The following MMP20 variants were observed in gnomAD, a reference collection of about 807,000 sequenced individuals.
MMP20 encodes matrix metalloproteinase-20.
Under a neutral mutation model 51.8 loss-of-function variants are expected in MMP20, and 50 were observed. The observed-to-expected ratio is 0.97, with a 90% CI of 0.77 to 1.22. MMP20 has a LOEUF of 1.22. Among genes scored for constraint, MMP20 ranks in the 50% most tolerant of loss-of-function variants. The pLI is 0.00. For synonymous variants in MMP20, 244 were observed against 216.2 expected (o/e 1.13, Z -1.13); for missense variants, 663 against 601.4 (o/e 1.10, Z -1.07).
At chr11:102,596,552 C>A (rs1859382753) in intron 6 of MMP20, among the ~76,000 whole-genome samples, 1 of 152,158 alleles carries the variant, frequency 6.6e-6, no homozygotes, top group Non-Finnish European at 1.5e-5. Flanking sequence ...TTTGCTTAGG[C>A]CTTAATTACC....
chr11:102,578,073 C>T (rs1859147455), intron 9 of MMP20, among the ~76,000 whole-genome samples: 1 of 151,992 alleles, frequency 6.6e-6, no homozygotes, highest in Non-Finnish European at 1.5e-5. Flanking sequence ...TTCTATTCAA[C>T]TTTCCTAGCT....
intron 6 of MMP20, among the ~76,000 whole-genome samples, chr11:102,596,757 A>G (rs527282396): frequency 6.6e-6 from 1 of 152,338 alleles, no homozygotes; most frequent in Admixed American, 6.5e-5. Context: ...GATCTCACCT[A>G]CTTGCTCATG....
intron 8 of MMP20, among the ~76,000 whole-genome samples, chr11:102,587,719 T>G (rs1859270551): frequency 6.6e-6 from 1 of 152,174 alleles, no homozygotes; most frequent in African/African-American, 2.4e-5. Context: ...CTAGTAGCAT[T>G]TTTTATTTCA....
chr11:102,619,759 T>G (rs1859724143), intron 1 of MMP20, among the ~76,000 whole-genome samples: 1 of 152,084 alleles, frequency 6.6e-6, no homozygotes, highest in African/African-American at 2.4e-5. Context: ...GATGTATTTT[T>G]AAAGATAGGG....
chr11:102,592,739 A>G (rs1859331803), intron 8 of MMP20, among the ~76,000 whole-genome samples: 3 of 152,204 alleles, frequency 2.0e-5, no homozygotes, highest in Admixed American at 6.5e-5. Context: ...CTGGGAACAG[A>G]GGAAAGCTGT....
chr11:102,610,396 CA>C (rs1358086320), intron 3 of MMP20, among the ~76,000 whole-genome samples: 5 of 152,104 alleles, frequency 3.3e-5, no homozygotes, highest in Admixed American at 1.3e-4. Context: ...CATTCGATAG[CA>C]AAACCTACCC....
At chr11:102,611,490 C>T (rs112545605) in intron 3 of MMP20, among the ~76,000 whole-genome samples, 234 of 152,284 alleles carry the variant, frequency 1.5e-3, no homozygotes, top group Non-Finnish European at 2.9e-3. Context: ...GAATTTGTCC[C>T]CTAGTGGGGC....
intron 6 of MMP20, among the ~76,000 whole-genome samples, chr11:102,605,735 C>T (rs531279233): frequency 1.2e-4 from 18 of 152,258 alleles, no homozygotes; most frequent in Admixed American, 6.5e-4. Context: ...AATAATGCCA[C>T]ACATGAATGC....
intron 1 of MMP20, among the ~76,000 whole-genome samples, chr11:102,621,017 G>A (rs374847723): frequency 3.9e-5 from 6 of 152,178 alleles, no homozygotes; most frequent in East Asian, 3.9e-4. Flanking sequence ...ACACATCTGC[G>A]TGGCTGGCCC....
At chr11:102,616,496 G>T (rs1859672197) in intron 2 of MMP20, among the ~76,000 whole-genome samples, 1 of 152,104 alleles carries the variant, frequency 6.6e-6, no homozygotes, top group African/African-American at 2.4e-5. Context: ...TCATTAAGCA[G>T]GTTGTTTTAA....
At chr11:102,586,638 C>A (rs1008418421) in intron 8 of MMP20, among the ~76,000 whole-genome samples, 3 of 151,862 alleles carry the variant, frequency 2.0e-5, no homozygotes, top group Admixed American at 1.3e-4. Flanking sequence ...ACGGTGAAAC[C>A]CCATCTCTAC....
intron 6 of MMP20, chr11:102,605,247 T>C (rs1238222486): frequency 1.3e-5 from 2 of 152,182 alleles, no homozygotes; most frequent in African/African-American, 4.8e-5. Flanking sequence ...GAAACTTACC[T>C]TGCAGTACCT....
chr11:102,611,835 G>A lies in MMP20; in HGVS notation c.443C>T (p.Ala148Val), dbSNP rs190817531. 3.7e-6 allele frequency: 6 copies of A among 1,614,200 alleles called. No individual in the cohort carries two copies. The African/African-American group carries it at 6.7e-5, about 18-fold the overall frequency. ...VDKAVEMALQ[A>V]WSSAVPLSFV... ...GCTCAGAGGGACGGCGCTACTCCAG[G>A]CCTGCAAGGCCATCTCCACTGCTTT... is the stretch of plus-strand genomic sequence containing the variant. The change falls in exon 3 of 10, where the codon GCC becomes GTC. Residue 148 changes from alanine (A) to valine (V), a missense_variant. Physicochemically the swap from Ala to Val is moderately conservative, Grantham distance 64 (BLOSUM62 0). Transcript: ENST00000260228.
chr11:102,610,791 G>A (rs1859589290), intron 3 of MMP20, among the ~76,000 whole-genome samples: 1 of 151,012 alleles, frequency 6.6e-6, no homozygotes, highest in Non-Finnish European at 1.5e-5. Flanking sequence ...ACAGAACAAA[G>A]TTTTGGTATG....
intron 9 of MMP20, among the ~76,000 whole-genome samples, chr11:102,578,146 A>ATTTTT (rs35835372): frequency 4.1e-5 from 6 of 146,682 alleles, no homozygotes; most frequent in Non-Finnish European, 1.5e-5. Flanking sequence ...CTTGAGACAG[A>ATTTTT]TTTTTTTTTT....
chr11:102,623,455 C>T (rs954420857), intron 1 of MMP20, among the ~76,000 whole-genome samples: 6 of 152,198 alleles, frequency 3.9e-5, no homozygotes, highest in African/African-American at 1.2e-4. Context: ...GTTGCATGCT[C>T]TTTTGAGAAT....
At chr11:102,578,729 C>T (rs547986663) in intron 9 of MMP20, among the ~76,000 whole-genome samples, 5 of 145,250 alleles carry the variant, frequency 3.4e-5, no homozygotes, top group Admixed American at 7.0e-5. Flanking sequence ...AGCGAGACTC[C>T]GTCTCAAAAA....
intron 5 of MMP20, among the ~76,000 whole-genome samples, chr11:102,608,329 T>C (rs1711422): frequency 0.41 from 62,052 of 152,106 alleles, 13,098 homozygotes; most frequent in South Asian, 0.59. Flanking sequence ...GGATACAGAG[T>C]TTCTAATAAT....
At chr11:102,587,128 A>G (rs988190448) in intron 8 of MMP20, among the ~76,000 whole-genome samples, 1 of 152,136 alleles carries the variant, frequency 6.6e-6, no homozygotes, top group South Asian at 2.1e-4. Context: ...ACTGCATCTC[A>G]TAAGTTCTGG....
Sources: allele counts gnomAD v4.1 joint callset (sites outside exome capture counted in the v4.1 genomes callset), GRCh38; gene constraint gnomAD v4.1.1; transcripts MANE v1.5; gene names NCBI Gene and HGNC (gene_info 2026-07-23, HGNC 2026-07-21).